Variants in MAP4 observed in about 807,000 individuals in gnomAD.
MAP4 encodes microtubule-associated protein 4.
In MAP4, 76 loss-of-function variants were observed where a neutral mutation model predicts 170.2. The ratio of observed to expected loss-of-function variants is 0.45; its 90% confidence interval spans 0.37 to 0.54. The LOEUF (loss-of-function observed/expected upper bound fraction) is 0.54, where lower values mean the gene tolerates loss of function less well. Among genes scored for constraint, MAP4 ranks in the 20% least tolerant of loss-of-function variants. The pLI is 0.00. For missense variants in MAP4, 2,506 were observed against 2,748.0 expected (o/e 0.91, Z 1.97); for synonymous variants, 909 against 994.5 (o/e 0.91, Z 1.62).
intron 10 of MAP4, among the ~76,000 whole-genome samples, chr3:47,899,923 A>G (rs1233005777): frequency 1.3e-5 from 2 of 152,184 alleles, no homozygotes; most frequent in Non-Finnish European, 2.9e-5. Flanking sequence ...CAGGTCTCTA[A>G]TCCCAGTACA....
intron 1 of MAP4, among the ~76,000 whole-genome samples, chr3:48,078,542 G>T (rs535193995): frequency 6.6e-6 from 1 of 152,120 alleles, no homozygotes; most frequent in Non-Finnish European, 1.5e-5. Context: ...TATGCCCAAA[G>T]ATATACATTG....
intron 8 of MAP4, among the ~76,000 whole-genome samples, chr3:47,913,554 A>C (rs2100037033): frequency 6.6e-6 from 1 of 152,236 alleles, no homozygotes; most frequent in South Asian, 2.1e-4. Context: ...CTGAGAACTT[A>C]TCTCTTCATT....
chr3:47,902,123 C>T (rs140719003), intron 10 of MAP4, among the ~76,000 whole-genome samples: 6,719 of 152,216 alleles, frequency 0.044, 503 homozygotes, highest in African/African-American at 0.15. Context: ...CACTGCACTT[C>T]AGCCTGGGTG....
intron 3 of MAP4, chr3:47,973,191 G>A (rs1352758866): frequency 4.2e-5 from 41 of 981,888 alleles, no homozygotes; most frequent in Middle Eastern, 5.2e-4. Flanking sequence ...TACAAACTTA[G>A]GTATACGAAT....
intron 10 of MAP4, among the ~76,000 whole-genome samples, chr3:47,890,536 A>T (rs2044531306): frequency 6.6e-6 from 1 of 152,236 alleles, no homozygotes; most frequent in Non-Finnish European, 1.5e-5. Context: ...AGATTGTGCA[A>T]CTTAATGAGA....
At chr3:47,913,463 A>G (rs2153550623) in intron 8 of MAP4, among the ~76,000 whole-genome samples, 1 of 152,336 alleles carries the variant, frequency 6.6e-6, no homozygotes, top group East Asian at 1.9e-4. Flanking sequence ...TAATTCAGCA[A>G]TTAATCAGCA....
chr3:47,915,023 T>A, intron 7 of MAP4, 84 bp from the exon 8 acceptor site: 1 of 1,551,088 alleles, frequency 6.4e-7, no homozygotes, highest in Non-Finnish European at 8.9e-7. Flanking sequence ...GGATATGGGA[T>A]TAGTTTCTGA....
At chr3:47,990,731 T>C (rs1328775561) in intron 2 of MAP4, among the ~76,000 whole-genome samples, 1 of 152,206 alleles carries the variant, frequency 6.6e-6, no homozygotes, top group Non-Finnish European at 1.5e-5. Flanking sequence ...AAGGGTTCTA[T>C]CTTTTGTCTC....
chr3:47,888,655 G>C (rs1468364542), intron 10 of MAP4, among the ~76,000 whole-genome samples: 1 of 152,228 alleles, frequency 6.6e-6, no homozygotes, highest in Admixed American at 6.5e-5. Flanking sequence ...CTTCATTCTT[G>C]AAGTCAGTGA....
At chr3:48,017,436 A>C (rs1199543169), upstream of MAP4, among the ~76,000 whole-genome samples, 1 of 151,482 alleles carries the variant, frequency 6.6e-6, no homozygotes, top group Non-Finnish European at 1.5e-5. Context: ...AAAACATTCC[A>C]CCTGATCTTT....
intron 10 of MAP4, chr3:47,891,104 G>A: frequency 6.5e-7 from 1 of 1,536,090 alleles, no homozygotes; most frequent in South Asian, 1.2e-5. Context: ...CCCTGCCAGA[G>A]CCGTCTGTCC....
intron 7 of MAP4, 38 bp downstream of exon 7, chr3:47,915,913 G>A (rs1180607919): frequency 6.4e-7 from 1 of 1,569,868 alleles, no homozygotes; most frequent in South Asian, 1.2e-5. Flanking sequence ...ACTACAACCT[G>A]GTAGAGAGAA....
chr3:47,899,277 G>A (rs1379767144), intron 10 of MAP4, among the ~76,000 whole-genome samples: 1 of 152,128 alleles, frequency 6.6e-6, no homozygotes, highest in Non-Finnish European at 1.5e-5. Flanking sequence ...GGGATTACAG[G>A]TGTCCCAGCT....
At chr3:47,955,795 A>G (rs1273424140) in intron 3 of MAP4, among the ~76,000 whole-genome samples, 1 of 152,216 alleles carries the variant, frequency 6.6e-6, no homozygotes, top group Admixed American at 6.5e-5. Flanking sequence ...CAGAGCAAGA[A>G]AAGATTCTAT....
chr3:47,964,440 C>T (rs1168103360), intron 3 of MAP4, among the ~76,000 whole-genome samples: 4 of 152,128 alleles, frequency 2.6e-5, no homozygotes, highest in Non-Finnish European at 5.9e-5. Context: ...GCCTTAACAA[C>T]CAGGACAGAA....
intron 17 of MAP4, among the ~76,000 whole-genome samples, chr3:47,865,797 T>C (rs1001239752): frequency 1.3e-5 from 2 of 152,248 alleles, no homozygotes; most frequent in South Asian, 4.1e-4. Flanking sequence ...TGGCGGCTTC[T>C]GGTGCCTCTG....
chr3:47,905,541 AC>A, intron 9 of MAP4, among the ~76,000 whole-genome samples: 1 of 151,462 alleles, frequency 6.6e-6, no homozygotes, highest in Non-Finnish European at 1.5e-5. Flanking sequence ...AACAACAACA[AC>A]AACAAAAAAA....
chr3:47,964,565 T>C (rs905337519), intron 3 of MAP4, among the ~76,000 whole-genome samples: 2 of 152,172 alleles, frequency 1.3e-5, no homozygotes, highest in African/African-American at 4.8e-5. Flanking sequence ...ATTTGAGATA[T>C]CAATTCTACA....
At chr3:47,969,712 A>T (rs1054240447) in intron 3 of MAP4, among the ~76,000 whole-genome samples, 1 of 152,108 alleles carries the variant, frequency 6.6e-6, no homozygotes, top group Non-Finnish European at 1.5e-5. Flanking sequence ...AACTTCTCTG[A>T]CACCAAGAGA....
Sources: allele counts gnomAD v4.1 joint callset (sites outside exome capture counted in the v4.1 genomes callset), GRCh38; gene constraint gnomAD v4.1.1; transcripts MANE v1.5; gene names NCBI Gene and HGNC (gene_info 2026-07-23, HGNC 2026-07-21).